Variants in RBFOX1 observed in about 807,000 individuals in gnomAD.
RBFOX1 encodes RNA binding fox-1 homolog 1.
Under a neutral mutation model 57.7 loss-of-function variants are expected in RBFOX1, and 8 were observed. The observed-to-expected ratio is 0.14, with a 90% CI of 0.08 to 0.25. The LOEUF is 0.25. RBFOX1 is among the 10% of genes least tolerant of loss of function. The pLI is 1.00. For missense variants in RBFOX1, 611 were observed against 548.5 expected (o/e 1.11, Z -1.14); for synonymous variants, 326 against 222.4 (o/e 1.47, Z -4.15).
At chr16:5,699,536 A>G (rs1371178597) in intron 3 of RBFOX1, among the ~76,000 whole-genome samples, 2 of 152,080 alleles carry the variant, frequency 1.3e-5, no homozygotes, top group South Asian at 2.1e-4. Flanking sequence ...GTTTTGTACC[A>G]TATGACTATT....
In RBFOX1 at chr16:7,587,267, T is replaced by A; in HGVS notation, c.435T>A (p.Asp145Glu). ...TGCAGCAATTTGGTAAAATCTTAGA[T>A]GTTGAAATTATTTTTAATGAGCGAG... is the stretch of plus-strand genomic sequence containing the variant. ...QMFGQFGKIL[D>E]VEIIFNERGS... is the part of the protein sequence containing the mutation. The change falls in exon 7 of 16, where the codon GAT becomes GAA. Residue 145 changes from aspartate to glutamate, a missense_variant. This residue lies in a region of RBFOX1 where 99 missense variants were observed against 160.3 expected (regional missense o/e 0.62). Coordinates refer to ENST00000550418, the MANE Select transcript of RBFOX1 (RefSeq NM_018723.4). 1 of 1,569,872 alleles carries A rather than the reference T, an allele frequency of 6.4e-7. No individual in the cohort carries two copies. Among genetic ancestry groups the A allele is most frequent in the Non-Finnish European group, 8.6e-7 (1 of 1,159,764 alleles).
chr16:7,648,931 GAC>G (rs1302078301), intron 11 of RBFOX1, among the ~76,000 whole-genome samples: 4 of 152,224 alleles, frequency 2.6e-5, no homozygotes, highest in African/African-American at 9.6e-5. Context: ...CTTTTTCCGA[GAC>G]AGTGAAAAAC....
At chr16:5,950,755 A>T (rs1005822770) in intron 4 of RBFOX1, among the ~76,000 whole-genome samples, 7 of 152,172 alleles carry the variant, frequency 4.6e-5, no homozygotes, top group Admixed American at 4.6e-4. Context: ...GGGAGCCAGG[A>T]GTAAGATGAG....
chr16:5,798,760 C>A (rs13335862), intron 3 of RBFOX1, among the ~76,000 whole-genome samples: 2 of 152,176 alleles, frequency 1.3e-5, no homozygotes, highest in Non-Finnish European at 2.9e-5. Flanking sequence ...TTAATTAAGT[C>A]ATGCCAGAGT....
chr16:5,854,811 C>T, intron 3 of RBFOX1, among the ~76,000 whole-genome samples: 1 of 152,154 alleles, frequency 6.6e-6, no homozygotes, highest in East Asian at 1.9e-4. Context: ...TACTGCTTTC[C>T]ATAATGGCTC....
intron 3 of RBFOX1, among the ~76,000 whole-genome samples, chr16:5,759,456 A>G (rs1458089658): frequency 6.6e-6 from 1 of 152,186 alleles, no homozygotes; most frequent in Non-Finnish European, 1.5e-5. Flanking sequence ...ATTGACAGAA[A>G]TGCCACGCAG....
chr16:5,896,642 A>G (rs1474446982), intron 4 of RBFOX1, among the ~76,000 whole-genome samples: 1 of 152,174 alleles, frequency 6.6e-6, no homozygotes, highest in Non-Finnish European at 1.5e-5. Flanking sequence ...CCTTTATGTT[A>G]TATCAACATA....
chr16:5,324,432 C>T (rs1567335027), intron 1 of RBFOX1, among the ~76,000 whole-genome samples: 1 of 152,286 alleles, frequency 6.6e-6, no homozygotes, highest in African/African-American at 2.4e-5. Flanking sequence ...CACTGCACTC[C>T]AGCCTGGGTG....
chr16:6,856,026 G>A (rs1171626568), intron 3 of RBFOX1, among the ~76,000 whole-genome samples: 4 of 151,954 alleles, frequency 2.6e-5, no homozygotes, highest in African/African-American at 9.7e-5. Context: ...TCTCTAACTA[G>A]GGAATGGTGC....
intron 5 of RBFOX1, among the ~76,000 whole-genome samples, chr16:7,531,829 C>G (rs1408348505): frequency 1.3e-5 from 2 of 152,038 alleles, no homozygotes; most frequent in African/African-American, 4.8e-5. Context: ...CTTAACAATC[C>G]TGCAAGTCTG....
At chr16:5,304,963 C>A (rs2063898119) in intron 1 of RBFOX1, among the ~76,000 whole-genome samples, 1 of 152,104 alleles carries the variant, frequency 6.6e-6, no homozygotes, top group South Asian at 2.1e-4. Flanking sequence ...TCTTCGTGTC[C>A]TTTACCTGTT....
chr16:5,274,432 A>G (rs57487467), intron 1 of RBFOX1, among the ~76,000 whole-genome samples: 5 of 152,148 alleles, frequency 3.3e-5, no homozygotes, highest in African/African-American at 1.2e-4. Context: ...TGGAGGCTGA[A>G]GCATGAGATT....
intron 3 of RBFOX1, among the ~76,000 whole-genome samples, chr16:6,897,434 G>T: frequency 6.6e-6 from 1 of 152,032 alleles, no homozygotes; most frequent in East Asian, 1.9e-4. Context: ...TGCATTGACT[G>T]GGGCATGTCC....
intron 5 of RBFOX1, among the ~76,000 whole-genome samples, chr16:7,557,737 C>T (rs756422129): frequency 6.7e-6 from 1 of 150,144 alleles, no homozygotes; most frequent in African/African-American, 2.4e-5. Flanking sequence ...ACACATATTG[C>T]TGGCTGTAAT....
intron 4 of RBFOX1, among the ~76,000 whole-genome samples, chr16:6,009,980 T>C (rs1424127): frequency 0.37 from 56,464 of 152,032 alleles, 10,837 homozygotes; most frequent in East Asian, 0.49. Context: ...ACAGCACATT[T>C]TGACATTCCG....
chr16:6,979,548 A>G (rs1379064470), intron 3 of RBFOX1, among the ~76,000 whole-genome samples: 1 of 152,204 alleles, frequency 6.6e-6, no homozygotes, highest in African/African-American at 2.4e-5. Flanking sequence ...GGATACAGCA[A>G]TGCTTTTGCA....
chr16:5,963,406 G>C (rs923913882), intron 4 of RBFOX1, among the ~76,000 whole-genome samples: 1 of 152,166 alleles, frequency 6.6e-6, no homozygotes, highest in Admixed American at 6.5e-5. Context: ...TGTACACACA[G>C]AAAAAATCCA....
chr16:5,960,117 C>G (rs2059719553), intron 4 of RBFOX1, among the ~76,000 whole-genome samples: 1 of 152,152 alleles, frequency 6.6e-6, no homozygotes, highest in South Asian at 2.1e-4. Context: ...AGGAGAATTG[C>G]TTGAACCCAA....
At chr16:5,441,694 G>C (rs1226012745) in intron 1 of RBFOX1, among the ~76,000 whole-genome samples, 1 of 152,106 alleles carries the variant, frequency 6.6e-6, no homozygotes, top group Non-Finnish European at 1.5e-5. Context: ...TCACAGTTCA[G>C]CATGGCTGGG....
Sources: allele counts gnomAD v4.1 joint callset (sites outside exome capture counted in the v4.1 genomes callset), GRCh38; gene constraint gnomAD v4.1.1; regional missense constraint gnomAD v4.1.1; transcripts MANE v1.5; gene names NCBI Gene and HGNC (gene_info 2026-07-23, HGNC 2026-07-21).